The following AHI1 variants were observed in gnomAD, a reference collection of about 807,000 sequenced individuals.
AHI1 encodes jouberin.
A neutral mutation model predicts 149.3 loss-of-function variants in AHI1; 123 were observed. That is an observed-to-expected ratio of 0.82 (90% CI 0.71 to 0.96). AHI1 has a LOEUF of 0.96. AHI1 is among the 40% of genes least tolerant of loss of function. The probability of loss-of-function intolerance (pLI) is 0.00; values close to 1 mark genes in which losing one functional copy is unlikely to be tolerated. For synonymous variants in AHI1, 475 were observed against 459.8 expected, an observed-to-expected ratio of 1.03 and a Z score of -0.42; for missense variants, 1,439 against 1,422.7, an observed-to-expected ratio of 1.01 and a Z score of -0.18.
intron 21 of AHI1, among the ~76,000 whole-genome samples, chr6:135,410,543 T>A (rs1294583025): frequency 2.0e-5 from 3 of 152,234 alleles, no homozygotes; most frequent in Non-Finnish European, 4.4e-5. Context: ...TTCACCTATC[T>A]CTTTTTTTCT....
At chr6:135,439,655 T>C (rs2757642) in intron 14 of AHI1, among the ~76,000 whole-genome samples, 62,842 of 152,182 alleles carry the variant, frequency 0.41, 15,908 homozygotes, top group East Asian at 0.58. Context: ...AAGAGGTTTG[T>C]GCTAGTTTTG....
intron 20 of AHI1, among the ~76,000 whole-genome samples, chr6:135,414,888 T>A (rs1782120605): frequency 2.0e-5 from 3 of 151,820 alleles, no homozygotes; most frequent in Admixed American, 2.0e-4. Flanking sequence ...TATGTATACA[T>A]GTGCCAGGCT....
chr6:135,400,237 C>T (rs1031213412), intron 22 of AHI1, among the ~76,000 whole-genome samples: 2 of 152,168 alleles, frequency 1.3e-5, no homozygotes, highest in East Asian at 3.9e-4. Context: ...TCAAAAATAT[C>T]CAAATATACG....
chr6:135,407,086 T>C (rs572247332), intron 21 of AHI1, among the ~76,000 whole-genome samples: 33 of 152,348 alleles, frequency 2.2e-4, no homozygotes, highest in Non-Finnish European at 3.7e-4. Context: ...ATATTATGAC[T>C]AAATGGTAAT....
At chr6:135,303,945 T>C (rs1784223418) in intron 26 of AHI1, among the ~76,000 whole-genome samples, 1 of 152,226 alleles carries the variant, frequency 6.6e-6, no homozygotes, top group Non-Finnish European at 1.5e-5. Context: ...TACAACTCTG[T>C]TTCCGGGAGC....
intron 24 of AHI1, among the ~76,000 whole-genome samples, chr6:135,331,676 T>C (rs1788619387): frequency 6.6e-6 from 1 of 152,208 alleles, no homozygotes; most frequent in Non-Finnish European, 1.5e-5. Context: ...ATAATTGATG[T>C]TCGTAATACC....
intron 24 of AHI1, among the ~76,000 whole-genome samples, chr6:135,332,231 A>G (rs1788712202): frequency 6.6e-6 from 1 of 152,032 alleles, no homozygotes; most frequent in African/African-American, 2.4e-5. Flanking sequence ...CACTATGCCC[A>G]GCTAATTTTT....
At chr6:135,404,839 C>G in intron 22 of AHI1, 112 bp downstream of exon 22, 1 of 892,262 alleles carries the variant, frequency 1.1e-6, no homozygotes, top group Non-Finnish European at 1.8e-6. Flanking sequence ...AATGAAAGTA[C>G]ACATCAGATT....
chr6:135,440,652 G>C (rs1214988338), intron 14 of AHI1, among the ~76,000 whole-genome samples: 1 of 152,064 alleles, frequency 6.6e-6, no homozygotes, highest in Non-Finnish European at 1.5e-5. Flanking sequence ...AGAGTCTCTT[G>C]GCAAAGACCA....
chr6:135,476,069 A>G (rs1182546576), intron 5 of AHI1, among the ~76,000 whole-genome samples: 2 of 152,176 alleles, frequency 1.3e-5, no homozygotes, highest in Non-Finnish European at 2.9e-5. Context: ...ATCTCAGACC[A>G]TTCCTCATTT....
intron 11 of AHI1, among the ~76,000 whole-genome samples, chr6:135,451,711 A>C (rs1465789658): frequency 6.6e-6 from 1 of 152,210 alleles, no homozygotes; most frequent in Non-Finnish European, 1.5e-5. Flanking sequence ...ATGCCCTGAA[A>C]TATGTTACTG....
At chr6:135,301,421 C>T (rs1783869984) in intron 26 of AHI1, 1 of 985,048 alleles carries the variant, frequency 1.0e-6, no homozygotes, top group Non-Finnish European at 1.2e-6. Context: ...CTCTTTCAGT[C>T]TTGTTTGAGT....
At chr6:135,443,524 T>C (rs149125462) in intron 13 of AHI1, among the ~76,000 whole-genome samples, 206 of 152,294 alleles carry the variant, frequency 1.4e-3, no homozygotes, top group African/African-American at 4.7e-3. Flanking sequence ...TGAGTAGCTA[T>C]TACTAGCTAA....
intron 3 of AHI1, chr6:135,492,904 A>G (rs1482642186): frequency 1.0e-5 from 10 of 982,956 alleles, no homozygotes; most frequent in Non-Finnish European, 1.2e-5. Flanking sequence ...AAATCGGTGT[A>G]TGTCTAAAAT....
intron 24 of AHI1, among the ~76,000 whole-genome samples, chr6:135,345,967 G>A (rs962693686): frequency 2.0e-5 from 3 of 152,164 alleles, no homozygotes; most frequent in African/African-American, 7.2e-5. Context: ...CCTTGATTCT[G>A]GCCATGGAAA....
Position 135,300,565 on chromosome 6 carries a change from A to C in AHI1, c.3427-7T>G, listed in dbSNP as rs1355677717. On this transcript the variant is annotated splice_polypyrimidine_tract_variant and splice_region_variant and intron_variant, in intron 26 of 28. Coordinates refer to ENST00000265602, the MANE Select transcript of AHI1 (RefSeq NM_001134831.2). ...TGTTCTTATTGATTGATTGCTGTGG[A>C]AGAAGAGGAAAAACAAGTAGTAAGT... 1 of 1,600,772 alleles carries C rather than the reference A, an allele frequency of 6.2e-7. No homozygotes were observed. The highest frequency in any genetic ancestry group is 8.5e-7 in the Non-Finnish European group (1 of 1,173,080).
At chr6:135,490,868 G>T in intron 4 of AHI1, 121 bp from the exon 5 acceptor site, 1 of 1,188,338 alleles carries the variant, frequency 8.4e-7, no homozygotes, top group Non-Finnish European at 1.2e-6. Flanking sequence ...AGCTACATTA[G>T]AAAAACTCAC....
intron 26 of AHI1, 152 bp from the exon 27 acceptor site, chr6:135,300,710 T>C (rs901075806): frequency 4.9e-5 from 67 of 1,378,986 alleles, no homozygotes; most frequent in Non-Finnish European, 6.1e-5. Flanking sequence ...TGAACATATA[T>C]TGTCTATCAG....
At chr6:135,372,378 A>G (rs1775193859) in intron 23 of AHI1, among the ~76,000 whole-genome samples, 1 of 152,202 alleles carries the variant, frequency 6.6e-6, no homozygotes, top group Admixed American at 6.5e-5. Flanking sequence ...AAAAACAACT[A>G]TTAAGATTTC....
Sources: allele counts gnomAD v4.1 joint callset (sites outside exome capture counted in the v4.1 genomes callset), GRCh38; gene constraint gnomAD v4.1.1; transcripts MANE v1.5; gene names NCBI Gene and HGNC (gene_info 2026-07-23, HGNC 2026-07-21).